The following TRIM9 variants were observed in gnomAD, a reference collection of about 807,000 sequenced individuals.
TRIM9 encodes the protein E3 ubiquitin-protein ligase TRIM9.
In TRIM9, 26 loss-of-function variants were observed where a neutral mutation model predicts 78.3. That is an observed-to-expected ratio of 0.33 (90% CI 0.24 to 0.46). The LOEUF (loss-of-function observed/expected upper bound fraction) is 0.46, where lower values mean the gene tolerates loss of function less well. Among genes scored for constraint, TRIM9 ranks in the 20% least tolerant of loss-of-function variants. The pLI is 1.00. For synonymous variants in TRIM9, 398 were observed against 416.5 expected, an observed-to-expected ratio of 0.96 and a Z score of 0.54; for missense variants, 787 against 1,036.4, an observed-to-expected ratio of 0.76 and a Z score of 3.30.
At chr14:51,093,609 G>C (rs904489439) in intron 1 of TRIM9, among the ~76,000 whole-genome samples, 2 of 152,190 alleles carry the variant, frequency 1.3e-5, no homozygotes, top group Non-Finnish European at 2.9e-5. Flanking sequence ...TTCCGCCTGC[G>C]GCGTCTCCCC....
At chr14:51,083,910 G>A (rs1202776149) in intron 1 of TRIM9, among the ~76,000 whole-genome samples, 1 of 152,172 alleles carries the variant, frequency 6.6e-6, no homozygotes, top group Non-Finnish European at 1.5e-5. Flanking sequence ...CAAGCTATAT[G>A]ATTCTAGGCC....
rs2058115851 is a variant in TRIM9 at position 51,025,335 on chromosome 14, C to G, written c.848G>C (p.Gly283Ala). 1.2e-6 allele frequency: 2 copies of G among 1,613,990 alleles called. No homozygotes were observed. Among genetic ancestry groups the G allele is most frequent in the Admixed American group, 3.3e-5 (2 of 60,000 alleles). ...HKSQLSQALN[G>A]LSDRAKEAKE... ...GGCTTCTTTGGCCCTGTCTGACAGT[C>G]CGTTCAGCGCCTGGGAGAGCTGGCT... Residue 283 changes from glycine (G) to alanine (A), a missense_variant, in exon 2 of 13, where the codon GGA becomes GCA. Coordinates refer to ENST00000684578, the MANE Select transcript of TRIM9 (RefSeq NM_001387360.1).
intron 1 of TRIM9, among the ~76,000 whole-genome samples, chr14:51,057,164 C>A (rs770942823): frequency 3.3e-5 from 5 of 152,188 alleles, no homozygotes; most frequent in Non-Finnish European, 7.3e-5. Flanking sequence ...TAAAACCCCA[C>A]AATTCTTTGG....
chr14:51,028,096 G>A (rs566325100), intron 1 of TRIM9, among the ~76,000 whole-genome samples: 2 of 152,296 alleles, frequency 1.3e-5, no homozygotes, highest in African/African-American at 4.8e-5. Context: ...ATTCCTAGTA[G>A]TAGACAAAGA....
At chr14:50,979,657 T>C (rs2139280872) in intron 11 of TRIM9, 108 bp from the exon 12 acceptor site, 2 of 909,750 alleles carry the variant, frequency 2.2e-6, no homozygotes, top group Non-Finnish European at 3.5e-6. Flanking sequence ...TAATCATCAC[T>C]ACCCCAAAAC....
chr14:51,021,589 T>C (rs745458862), intron 3 of TRIM9, among the ~76,000 whole-genome samples: 1 of 152,220 alleles, frequency 6.6e-6, no homozygotes, highest in Non-Finnish European at 1.5e-5. Flanking sequence ...GCCAGCACTA[T>C]GAGCGTAAGA....
At chr14:51,035,411 C>G (rs1228476300) in intron 1 of TRIM9, among the ~76,000 whole-genome samples, 1 of 152,120 alleles carries the variant, frequency 6.6e-6, no homozygotes, top group African/African-American at 2.4e-5. Context: ...AGAGTGCAGT[C>G]AAATCATTTT....
chr14:50,992,581 A>AAATG (rs66985758), intron 7 of TRIM9, among the ~76,000 whole-genome samples: 8 of 151,272 alleles, frequency 5.3e-5, no homozygotes, highest in East Asian at 3.9e-4. Context: ...CTGGAAAGAT[A>AAATG]AATGAATGAA....
chr14:51,073,303 C>A (rs1467483218), intron 1 of TRIM9, among the ~76,000 whole-genome samples: 1 of 152,182 alleles, frequency 6.6e-6, no homozygotes, highest in African/African-American at 2.4e-5. Flanking sequence ...CCTAGGGATA[C>A]AACCAACAGA....
intron 7 of TRIM9, among the ~76,000 whole-genome samples, chr14:50,986,763 C>G (rs1289443601): frequency 6.6e-6 from 1 of 152,032 alleles, no homozygotes; most frequent in Admixed American, 6.5e-5. Context: ...AGAGCCTTAC[C>G]TTTGTTTCTG....
At chr14:51,040,161 TA>T in intron 1 of TRIM9, among the ~76,000 whole-genome samples, 1 of 152,344 alleles carries the variant, frequency 6.6e-6, no homozygotes. Flanking sequence ...CAAGAAAAAG[TA>T]AATATTTCCT....
chr14:51,072,610 G>A (rs1007023775), intron 1 of TRIM9, among the ~76,000 whole-genome samples: 4 of 150,774 alleles, frequency 2.7e-5, no homozygotes, highest in African/African-American at 9.7e-5. Flanking sequence ...TGTTTAATAT[G>A]AAATCACAAT....
At position 51,022,925 on chromosome 14, in the gene TRIM9, C is replaced by A; in HGVS notation, c.951G>T (p.Val317=). 3 of 1,614,134 alleles carry A rather than the reference C, an allele frequency of 1.9e-6. No homozygotes were observed. Among genetic ancestry groups the A allele is most frequent in the Middle Eastern group, 1.6e-4 (1 of 6,062 alleles). Residue 317 remains valine (V), a synonymous_variant, in exon 3 of 13, where the codon GTG becomes GTT. Transcript: ENST00000684578. The part of the protein sequence containing the change: ...ENSVEFEACL[V]AQCDALIDAL... ...CATCGATGAGGGCATCACATTGGGC[C>A]ACCAGACAGGCTTCAAACTCCACAC...
At chr14:50,992,804 T>C (rs1056517369) in intron 7 of TRIM9, among the ~76,000 whole-genome samples, 12 of 152,164 alleles carry the variant, frequency 7.9e-5, no homozygotes, top group Non-Finnish European at 1.3e-4. Context: ...GAGAAAGACA[T>C]TTTAATCTTT....
At chr14:51,022,247 C>T (rs183264199) in intron 3 of TRIM9, among the ~76,000 whole-genome samples, 10 of 152,302 alleles carry the variant, frequency 6.6e-5, no homozygotes, top group South Asian at 4.1e-4. Flanking sequence ...CATGAATGGA[C>T]GAATGCTATT....
chr14:50,978,541 C>T (rs939635093), intron 12 of TRIM9, among the ~76,000 whole-genome samples: 1 of 152,192 alleles, frequency 6.6e-6, no homozygotes, highest in South Asian at 2.1e-4. Flanking sequence ...TCCCTCACTC[C>T]TTTAAGGCTC....
rs767636523 is a variant in TRIM9, at chr14:51,000,730, C to T, written c.1417G>A (p.Asp473Asn). 2.5e-6 allele frequency: 4 copies of T among 1,614,124 alleles called. No individual in the cohort carries two copies. Among genetic ancestry groups the T allele is most frequent in the Non-Finnish European group, 3.4e-6 (4 of 1,179,980 alleles). ...TCATCCAGCTCCAGAATGTATCCAT[C>T]GGCGGGCACCGTGGACAGAGGTGGC... Reference protein sequence around the residue: ...KQPPLSTVPADGYILELDDGN... With the variant: ...KQPPLSTVPANGYILELDDGN... The change falls in exon 6 of 13, where the codon GAT (aspartate) becomes AAT (asparagine). Residue 473 changes from aspartate to asparagine, a missense_variant. Physicochemically the swap from Asp to Asn is conservative, Grantham distance 23. Around this residue, in one of 3 missense-constraint regions of TRIM9, gnomAD observed 421 missense variants for 514.3 expected, o/e 0.82. Coordinates refer to ENST00000684578, the MANE Select transcript of TRIM9 (RefSeq NM_001387360.1).
intron 3 of TRIM9, among the ~76,000 whole-genome samples, chr14:51,015,953 T>C (rs935364467): frequency 6.6e-6 from 1 of 152,196 alleles, no homozygotes; most frequent in Non-Finnish European, 1.5e-5. Context: ...CATTATAGTT[T>C]AAAACAATTT....
intron 1 of TRIM9, among the ~76,000 whole-genome samples, chr14:51,086,153 A>G (rs564529343): frequency 8.8e-4 from 134 of 152,362 alleles, no homozygotes; most frequent in African/African-American, 3.1e-3. Flanking sequence ...TAAGTTCATA[A>G]AACTGTGCTT....
Sources: allele counts gnomAD v4.1 joint callset (sites outside exome capture counted in the v4.1 genomes callset), GRCh38; gene constraint gnomAD v4.1.1; regional missense constraint gnomAD v4.1.1; transcripts MANE v1.5; gene names NCBI Gene and HGNC (gene_info 2026-07-23, HGNC 2026-07-21).